Variants in NPAS2 observed in about 807,000 individuals in gnomAD.
NPAS2 encodes the protein neuronal PAS domain protein 2, also known as neuronal PAS domain-containing protein 2.
In NPAS2, 23 loss-of-function variants were observed where a neutral mutation model predicts 107.5. The observed-to-expected ratio is 0.21, with a 90% CI of 0.15 to 0.30. The LOEUF (loss-of-function observed/expected upper bound fraction) is 0.30. NPAS2 is among the 10% of genes least tolerant of loss of function. The probability of loss-of-function intolerance (pLI) is 1.00; values close to 1 mark genes in which losing one functional copy is unlikely to be tolerated. For synonymous variants in NPAS2, 403 were observed against 417.5 expected, an observed-to-expected ratio of 0.97 and a Z score of 0.42; for missense variants, 756 against 1,043.3, an observed-to-expected ratio of 0.72 and a Z score of 3.79.
chr2:100,832,543 G>C (rs977699381), intron 1 of NPAS2, among the ~76,000 whole-genome samples: 1 of 152,174 alleles, frequency 6.6e-6, no homozygotes, highest in Non-Finnish European at 1.5e-5. Context: ...GTCTTGTACT[G>C]TTTGGTATAT....
intron 1 of NPAS2, among the ~76,000 whole-genome samples, chr2:100,851,374 A>G (rs924157097): frequency 2.0e-5 from 3 of 152,234 alleles, no homozygotes; most frequent in African/African-American, 7.2e-5. Context: ...TTTCCGCAGC[A>G]TTGCTTATGG....
chr2:100,898,048 T>C (rs1054152544), intron 1 of NPAS2, among the ~76,000 whole-genome samples: 1 of 152,130 alleles, frequency 6.6e-6, no homozygotes, highest in Non-Finnish European at 1.5e-5. Flanking sequence ...GATCCCCAAA[T>C]TCAATTCATT....
chr2:100,835,100 G>C (rs1436406544), intron 1 of NPAS2, among the ~76,000 whole-genome samples: 1 of 152,140 alleles, frequency 6.6e-6, no homozygotes, highest in African/African-American at 2.4e-5. Context: ...CCCTGTGTTC[G>C]ACAGTCATCG....
In NPAS2 at chr2:100,965,014, T is replaced by A; in HGVS notation, c.800+71T>A. 4.8e-6 allele frequency: 5 copies of A among 1,038,652 alleles called. No homozygotes were observed. The highest frequency in any genetic ancestry group is 2.6e-5 in the East Asian group (1 of 38,080). The allele number at this position is 1,038,652 out of a possible 1,614,324, so 64.3% of individuals were successfully genotyped here. On this transcript the variant is annotated intron_variant, in intron 9 of 20. Transcript: ENST00000335681. The surrounding 1 kb of genome is among the most constrained non-coding windows in gnomAD (Gnocchi z 4.3). ...TTGTTTGCGTGAGCCAGGCTCTCCT[T>A]GGGAGAGAAGAGTCGGCCCTGGTCC...
intron 5 of NPAS2, among the ~76,000 whole-genome samples, chr2:100,944,226 C>T (rs1048113958): frequency 6.6e-6 from 1 of 152,202 alleles, no homozygotes; most frequent in East Asian, 1.9e-4. Flanking sequence ...TCCAGGGCTG[C>T]TCACCATTGC....
At chr2:100,925,674 G>T (rs946274349) in intron 3 of NPAS2, among the ~76,000 whole-genome samples, 1 of 152,070 alleles carries the variant, frequency 6.6e-6, no homozygotes, top group African/African-American at 2.4e-5. Flanking sequence ...AGACTATGTG[G>T]GCCTTTTCAT....
chr2:100,908,045 C>T (rs769727227), intron 2 of NPAS2, among the ~76,000 whole-genome samples: 37 of 152,116 alleles, frequency 2.4e-4, no homozygotes, highest in South Asian at 1.2e-3. Flanking sequence ...CACGTGCATG[C>T]GCGTGCATTT....
At chr2:100,832,193 GAGA>G (rs1333592429) in intron 1 of NPAS2, among the ~76,000 whole-genome samples, 1 of 152,202 alleles carries the variant, frequency 6.6e-6, no homozygotes, top group Non-Finnish European at 1.5e-5. Flanking sequence ...GAGAGAATGA[GAGA>G]AGAACTGTGC....
intron 15 of NPAS2, among the ~76,000 whole-genome samples, chr2:100,981,671 T>G (rs1479494161): frequency 6.6e-6 from 1 of 152,060 alleles, no homozygotes; most frequent in Non-Finnish European, 1.5e-5. Context: ...ACGTGCATAG[T>G]AGCAAGTAAG....
At chr2:100,933,110 G>T (rs1684070893) in intron 4 of NPAS2, 109 bp downstream of exon 4, 4 of 798,674 alleles carry the variant, frequency 5.0e-6, no homozygotes, top group East Asian at 2.7e-5. Flanking sequence ...ATCCTGGGAA[G>T]ACTTGACTTT....
chr2:100,961,344 T>A (rs1675903149), intron 7 of NPAS2, among the ~76,000 whole-genome samples: 1 of 152,326 alleles, frequency 6.6e-6, no homozygotes, highest in East Asian at 1.9e-4. Flanking sequence ...ATGTTCAAAG[T>A]ATCTTCTTTG....
chr2:100,827,779 G>C (rs1264364357), intron 1 of NPAS2, among the ~76,000 whole-genome samples: 1 of 152,138 alleles, frequency 6.6e-6, no homozygotes, highest in Non-Finnish European at 1.5e-5. Context: ...TCTTTATCCA[G>C]TTCACTGTTG....
chr2:100,983,992 T>C (rs753853820), intron 16 of NPAS2: 1 of 152,242 alleles, frequency 6.6e-6, no homozygotes, highest in Non-Finnish European at 1.5e-5. Flanking sequence ...AATTTTAAAA[T>C]AACAGGCAGC....
intron 1 of NPAS2, among the ~76,000 whole-genome samples, chr2:100,864,462 C>T (rs952041058): frequency 1.3e-5 from 2 of 152,136 alleles, no homozygotes; most frequent in Non-Finnish European, 2.9e-5. Context: ...AGTTTCCATA[C>T]GATTAGCCAA....
chr2:100,949,936 G>A (rs1254432931), intron 7 of NPAS2, among the ~76,000 whole-genome samples: 2 of 152,154 alleles, frequency 1.3e-5, no homozygotes, highest in Non-Finnish European at 2.9e-5. Context: ...CTCATGCACA[G>A]CAAAGGGGTC....
chr2:100,948,221 A>G lies in NPAS2; in HGVS notation c.364-14A>G, dbSNP rs769288795. 6.2e-7 allele frequency: 1 copy of G among 1,610,322 alleles called. No homozygotes were observed. The highest frequency in any genetic ancestry group is 1.7e-5 in the Admixed American group (1 of 59,208). On this transcript the variant is annotated splice_polypyrimidine_tract_variant and intron_variant, in intron 5 of 20. Transcript: ENST00000335681. ...CGTTGAGGGTGTACCTTTGTCCTTT[A>G]TTTTCTTTTTCAGTCGGATGTCATG...
intron 18 of NPAS2, 81 bp from the exon 19 acceptor site, chr2:100,990,699 G>A (rs1006824001): frequency 1.5e-6 from 2 of 1,328,112 alleles, no homozygotes; most frequent in Non-Finnish European, 2.2e-6. Flanking sequence ...GGTCCAGCCA[G>A]GCTGAGCAAG....
intron 3 of NPAS2, among the ~76,000 whole-genome samples, chr2:100,928,649 A>T (rs1460751437): frequency 3.3e-5 from 5 of 152,234 alleles, no homozygotes; most frequent in Admixed American, 3.3e-4. Flanking sequence ...CTGTGATTTC[A>T]TATTCAAAAT....
At chr2:100,909,274 A>C (rs1398569055) in intron 2 of NPAS2, among the ~76,000 whole-genome samples, 1 of 152,256 alleles carries the variant, frequency 6.6e-6, no homozygotes, top group Non-Finnish European at 1.5e-5. Context: ...CATTCATGAA[A>C]ATAAGCATAA....
Sources: gnomAD v4.1 joint callset for allele counts (sites outside exome capture counted in the v4.1 genomes callset) on GRCh38, gnomAD v4.1.1 for gene constraint, Gnocchi (gnomAD v3.1) non-coding constraint, MANE v1.5 for transcripts, NCBI Gene and HGNC (gene_info 2026-07-23, HGNC 2026-07-21) for gene names.